Variants in PSG7 observed in about 807,000 individuals in gnomAD.
PSG7 encodes the protein pregnancy specific beta-1-glycoprotein 7.
Under a neutral mutation model 45.6 loss-of-function variants are expected in PSG7, and 57 were observed. The observed-to-expected ratio is 1.25, with a 90% confidence interval of 1.01 to 1.56. The LOEUF is 1.56. Ranked by LOEUF, PSG7 falls within the 40% of genes most tolerant of loss-of-function variation. The pLI is 0.00. For missense variants in PSG7, 796 were observed against 508.4 expected, an observed-to-expected ratio of 1.57 and a Z score of -5.44; for synonymous variants, 298 against 194.4, an observed-to-expected ratio of 1.53 and a Z score of -4.43.
intron 3 of PSG7, 112 bp downstream of exon 3, chr19:42,929,330 T>A: frequency 6.3e-7 from 1 of 1,593,266 alleles, no homozygotes; most frequent in Non-Finnish European, 8.5e-7. Flanking sequence ...AGCTTTGATG[T>A]CCAGGGGTAA....
Position 42,926,608 on chromosome 19 carries a change from C to G in PSG7, c.818G>C (p.Trp273Ser), listed in dbSNP as rs573069342. The change falls in exon 4 of 6, where the codon TGG (tryptophan) becomes TCG (serine). Residue 273 changes from tryptophan to serine, a missense_variant. Physicochemically the swap from Trp to Ser is radical, Grantham distance 177. Coordinates refer to ENST00000406070, the MANE Select transcript of PSG7 (RefSeq NM_002783.3). ...EPKSENYTYIWWLNGQSLPVS... is the reference protein window; with the variant it reads ...EPKSENYTYISWLNGQSLPVS... ...CGGGAGGCTCTGACCATTTAGCCAC[C>G]AAATGTAGGTGTAGTTCTCACTCTT... 385 of 1,610,162 alleles carry G rather than the reference C, an allele frequency of 2.4e-4. 5 individuals are homozygous for G. Among genetic ancestry groups the G allele is most frequent in the Non-Finnish European group, 2.9e-4 (343 of 1,179,046 alleles).
In PSG7 at chr19:42,932,310, G is replaced by A. The variant is rs142962307; in HGVS notation, c.431-2590C>T. On this transcript the variant is annotated intron_variant, in intron 2 of 5. Coordinates refer to ENST00000406070, the MANE Select transcript of PSG7 (RefSeq NM_002783.3). ...TGGGAGTATAGGTGTGAGCCACTGT[G>A]CCCAGCCATCTCTGAGGGATTTTAA... Among the ~76,000 whole-genome samples the A allele has an allele frequency of 1.1e-3, 162 of 151,654 alleles. 3 individuals carry two copies. The highest frequency in any genetic ancestry group is 3.6e-3 in the African/African-American group (149 of 41,298).
intron 2 of PSG7, among the ~76,000 whole-genome samples, chr19:42,934,650 G>A (rs1973105709): frequency 6.6e-6 from 1 of 151,732 alleles, no homozygotes; most frequent in African/African-American, 2.4e-5. Flanking sequence ...CCATGAGAAA[G>A]CACCTTTACG....
Position 42,935,553 on chromosome 19 carries a change from G to A in PSG7, c.281C>T (p.Ala94Val). 6.2e-7 allele frequency: 1 copy of A among 1,612,124 alleles called. No individual in the cohort carries two copies. Among genetic ancestry groups the A allele is most frequent in the East Asian group, 2.2e-5 (1 of 44,770 alleles). The change falls in exon 2 of 6, where the codon GCA (alanine) becomes GTA (valine). Residue 94 changes from alanine to valine, a missense_variant. By Grantham distance (64) the Ala-to-Val change is moderately conservative. Coordinates refer to ENST00000406070, the MANE Select transcript of PSG7 (RefSeq NM_002783.3). ...VDGQIIKYGP[A>V]YSGRETVYSN... The stretch of plus-strand genomic sequence containing the variant: ...ATATACTGTTTCTCGTCCACTGTAT[G>A]CAGGCCCATATTTAATTATTTGACC...
At chr19:42,928,080 T>C (rs1972934441) in intron 3 of PSG7, among the ~76,000 whole-genome samples, 1 of 151,586 alleles carries the variant, frequency 6.6e-6, no homozygotes, top group African/African-American at 2.4e-5. Flanking sequence ...TTGCCCTTTT[T>C]TTTCTCTCAC....
intron 2 of PSG7, among the ~76,000 whole-genome samples, chr19:42,933,303 A>ATTTTTT (rs1418931958): frequency 4.7e-4 from 7 of 14,852 alleles, no homozygotes; most frequent in Non-Finnish European, 5.9e-4. Context: ...ATATATATAT[A>ATTTTTT]TATATTTTTT....
At position 42,925,871 on chromosome 19, in the gene PSG7, G is replaced by A. The variant is rs141770392; in HGVS notation, c.1145C>T (p.Pro382Leu). The change falls in exon 5 of 6, where the codon CCC becomes CTC. Residue 382 changes from proline (P) to leucine (L), a missense_variant. Coordinates refer to ENST00000406070, the MANE Select transcript of PSG7 (RefSeq NM_002783.3). ...CCCGCTATGCTTTGTAGTAATCTGGGGGATAGAAAGCTTTTGTCCTGATAG... is the reference window on the plus strand; with the variant it reads ...CCCGCTATGCTTTGTAGTAATCTGGAGGATAGAAAGCTTTTGTCCTGATAG... ...FQLSGQKLSI[P>L]QITTKHSGLY... The A allele has an allele frequency of 3.0e-5, 48 of 1,612,062 alleles. 1 individual carries two copies. The highest frequency in any genetic ancestry group is 3.9e-5 in the Non-Finnish European group (46 of 1,179,068).
At chr19:42,934,317 A>T (rs1160180422) in intron 2 of PSG7, among the ~76,000 whole-genome samples, 1 of 151,372 alleles carries the variant, frequency 6.6e-6, no homozygotes, top group East Asian at 1.9e-4. Context: ...TTGGATGCCT[A>T]AGAAGAGAGG....
intron 1 of PSG7, chr19:42,936,019 T>G (rs1427689375): frequency 2.8e-6 from 2 of 707,400 alleles, no homozygotes; most frequent in African/African-American, 3.6e-5. Flanking sequence ...TCAACACTCC[T>G]GACTTTGGCA....
chr19:42,937,050 G>T lies in PSG7; in HGVS notation c.27C>A (p.Cys9Ter), dbSNP rs1326495102. 5.0e-6 allele frequency: 8 copies of T among 1,611,580 alleles called. No homozygotes were observed. The Admixed American group carries it at 6.7e-5, about 13-fold the overall frequency. The change falls in exon 1 of 6, where the codon TGC becomes TGA. Residue 9 changes from cysteine to a stop codon, truncating the protein, a stop_gained. Coordinates refer to ENST00000406070, the MANE Select transcript of PSG7 (RefSeq NM_002783.3). LOFTEE classifies it high-confidence loss of function. ...GCCCTTTCCAGGTTATATGCTGTGT[G>T]CAGGGAGGGGCTGAGAGGGGCCCCA... Reference protein sequence around the residue: MGPLSAPPCTQHITWKGLL... With the variant: MGPLSAPP
intron 1 of PSG7, chr19:42,936,593 T>C (rs1428431746): frequency 1.1e-5 from 2 of 180,518 alleles, no homozygotes; most frequent in Admixed American, 5.6e-5. Flanking sequence ...TGTCCCTCTC[T>C]GGTGTATTTT....
At position 42,929,612 on chromosome 19, in the gene PSG7, C is replaced by T; in HGVS notation, c.539G>A (p.Trp180Ter). Residue 180 changes from tryptophan (W) to a stop codon, truncating the protein, a stop_gained, in exon 3 of 6, where the codon TGG (tryptophan) becomes TAG (stop). Transcript: ENST00000406070. LOFTEE classifies it high-confidence loss of function. ...AGGGAGGCTCTGACCATTCATCCAC[C>T]ACAGGTAGCTTGCATCTGGAGTCTC... is the stretch of plus-strand genomic sequence containing the variant. ...DPETPDASYL[W>*]WMNGQSLPMT... 1.2e-6 allele frequency: 2 copies of T among 1,612,598 alleles called. No individual in the cohort carries two copies. Among genetic ancestry groups the T allele is most frequent in the African/African-American group, 1.3e-5 (1 of 74,784 alleles).
Position 42,935,637 on chromosome 19 carries a change from A to C in PSG7, c.197T>G (p.Ile66Ser). Residue 66 changes from isoleucine (I) to serine (S), a missense_variant, in exon 2 of 6, where the codon ATC (isoleucine) becomes AGC (serine). By Grantham distance (142) the Ile-to-Ser change is moderately radical (BLOSUM62 -2). Transcript: ENST00000406070. The part of the protein sequence containing the change: ...HNLPQNLTGY[I>S]WYKGQIRDLY... ...GTCCCTGATTTGTCCTTTGTACCAG[A>C]TGTAGCCAGTAAGATTCTGGGGCAA... is the stretch of plus-strand genomic sequence containing the variant. 6.2e-7 allele frequency: 1 copy of C among 1,612,124 alleles called. No individual in the cohort carries two copies. The highest frequency in any genetic ancestry group is 1.1e-5 in the South Asian group (1 of 90,804).
At position 42,929,263 on chromosome 19, in the gene PSG7, T is replaced by C. The variant is rs531522937; in HGVS notation, c.709+179A>G. On this transcript the variant is annotated intron_variant, in intron 3 of 5. Transcript: ENST00000406070. ...CATGACAGGAGCAGCCTCTTTTCTCTTATTGTGGATCAAGCCTAGGCCTAC... is the reference window on the plus strand; with the variant it reads ...CATGACAGGAGCAGCCTCTTTTCTCCTATTGTGGATCAAGCCTAGGCCTAC... 2.9e-5 allele frequency: 41 copies of C among 1,403,452 alleles called. 2 individuals are homozygous for C. The highest frequency in any genetic ancestry group is 1.7e-4 in the African/African-American group (12 of 69,220). The allele number at this position is 1,403,452 out of a possible 1,614,324, so 86.9% of individuals were successfully genotyped here. A position where few individuals can be genotyped will look rare whatever the true frequency, so the allele number is the denominator to read the frequency against.
chr19:42,937,130 T>A lies in PSG7; in HGVS notation c.-54A>T, dbSNP rs570464067. On this transcript the variant is annotated 5_prime_UTR_variant, in exon 1 of 6. Transcript: ENST00000406070. The stretch of plus-strand genomic sequence containing the variant: ...GTGGAGATGAGCCTAGGATCCAGAA[T>A]CTTCCTGAGCACGGCTGTCAGCTGT... 144 of 1,591,432 alleles carry A rather than the reference T, an allele frequency of 9.0e-5. 6 individuals carry two copies. The highest frequency in any genetic ancestry group is 3.4e-4 in the African/African-American group (25 of 73,954).
rs116758748 is a variant in PSG7 at position 42,933,631 on chromosome 19, C to G, written c.430+1773G>C. ...TCAGCCTAGTTAGAGGGAGTGTCTG[C>G]GGAAGGCCTAGCAGTGGAGGAAGAA... On this transcript the variant is annotated intron_variant, in intron 2 of 5. Coordinates refer to ENST00000406070, the MANE Select transcript of PSG7 (RefSeq NM_002783.3). 9.3e-3 allele frequency among the ~76,000 whole-genome samples: 1,401 copies of G among 150,178 alleles called. 55 individuals carry two copies. Among genetic ancestry groups the G allele is most frequent in the African/African-American group, 0.033 (1,329 of 40,546 alleles).
At chr19:42,933,305 A>ATTTTTTTTTTT (rs1294208407) in intron 2 of PSG7, among the ~76,000 whole-genome samples, 3 of 13,732 alleles carry the variant, frequency 2.2e-4, no homozygotes, top group African/African-American at 3.4e-4. Context: ...ATATATATAT[A>ATTTTTTTTTTT]TATTTTTTTT....
rs376134039 is a variant in PSG7 at position 42,931,624 on chromosome 19, T to C, written c.431-1904A>G. On this transcript the variant is annotated intron_variant, in intron 2 of 5. Transcript: ENST00000406070. ...TTGTGTGAATTAGTAAGAGGCTAAG[T>C]GAGATGGCAATGGCTCGTGTGTCTC... 2.1e-4 allele frequency among the ~76,000 whole-genome samples: 32 copies of C among 151,466 alleles called. 2 individuals carry two copies. The highest frequency in any genetic ancestry group is 1.1e-3 in the Admixed American group (16 of 15,132).
intron 3 of PSG7, among the ~76,000 whole-genome samples, chr19:42,927,889 C>T (rs1374976349): frequency 3.3e-5 from 5 of 151,542 alleles, no homozygotes; most frequent in African/African-American, 7.3e-5. Flanking sequence ...CTTATGCCTA[C>T]AACTTAGGAC....
Sources: gnomAD v4.1 joint callset for allele counts (sites outside exome capture counted in the v4.1 genomes callset) on GRCh38, gnomAD v4.1.1 for gene constraint, MANE v1.5 for transcripts, NCBI Gene and HGNC (gene_info 2026-07-23, HGNC 2026-07-21) for gene names.